GAS7: variants seen among roughly 807,000 people sequenced by gnomAD.
The protein encoded by GAS7 is growth arrest-specific protein 7.
A neutral mutation model predicts 71.1 loss-of-function variants in GAS7; 28 were observed. That is an observed-to-expected ratio of 0.39 (90% CI 0.29 to 0.54). The LOEUF is 0.54. Ranked by LOEUF, GAS7 falls within the 20% of genes least tolerant of loss-of-function variation. The pLI, the probability that GAS7 is intolerant of heterozygous loss-of-function variation, is 0.62. For synonymous variants in GAS7, 258 were observed against 245.8 expected (o/e 1.05, Z -0.46); for missense variants, 436 against 627.8 (o/e 0.69, Z 3.27).
chr17:9,918,430 G>C (rs2067673452), intron 12 of GAS7, among the ~76,000 whole-genome samples: 1 of 152,332 alleles, frequency 6.6e-6, no homozygotes, highest in African/African-American at 2.4e-5. Flanking sequence ...CTAACACCTA[G>C]AGAGGCAACA....
chr17:10,112,527 G>C (rs905794166), intron 1 of GAS7, among the ~76,000 whole-genome samples: 1 of 152,178 alleles, frequency 6.6e-6, no homozygotes, highest in African/African-American at 2.4e-5. Flanking sequence ...CCTGAGGTGA[G>C]GAGTTCGAGA....
At chr17:10,134,836 C>CT (rs34031588) in intron 1 of GAS7, among the ~76,000 whole-genome samples, 28,087 of 144,710 alleles carry the variant, frequency 0.19, 2,742 homozygotes, top group South Asian at 0.25. Context: ...TTTACATCCA[C>CT]TTTTTTTTTT....
chr17:10,102,607 C>T (rs1352231024), intron 1 of GAS7, among the ~76,000 whole-genome samples: 1 of 152,186 alleles, frequency 6.6e-6, no homozygotes, highest in Non-Finnish European at 1.5e-5. Context: ...TGGTCATCCC[C>T]TGACCTGGTA....
chr17:10,175,165 A>C (rs971939720), intron 1 of GAS7, among the ~76,000 whole-genome samples: 1 of 151,250 alleles, frequency 6.6e-6, no homozygotes, highest in African/African-American at 2.4e-5. Flanking sequence ...CATTCTAATG[A>C]TAATAAGGTA....
chr17:10,098,067 T>C (rs1381808092), intron 1 of GAS7, among the ~76,000 whole-genome samples: 2 of 149,042 alleles, frequency 1.3e-5, no homozygotes, highest in Admixed American at 1.3e-4. Context: ...AAAGTGTACA[T>C]TGGGACTCGC....
At chr17:10,190,356 G>A (rs1171155267) in intron 1 of GAS7, among the ~76,000 whole-genome samples, 6 of 152,090 alleles carry the variant, frequency 3.9e-5, no homozygotes, top group Middle Eastern at 3.4e-3. Context: ...AGGCCAAGGC[G>A]GGCGGATCAT....
chr17:10,101,402 G>A (rs2073697367), intron 1 of GAS7, among the ~76,000 whole-genome samples: 2 of 152,244 alleles, frequency 1.3e-5, no homozygotes, highest in Non-Finnish European at 2.9e-5. Flanking sequence ...CGGCCATTTT[G>A]TTACCTGCTC....
At chr17:10,069,430 C>G (rs994214383) in intron 1 of GAS7, among the ~76,000 whole-genome samples, 2 of 152,212 alleles carry the variant, frequency 1.3e-5, no homozygotes, top group African/African-American at 4.8e-5. Context: ...GAACACCAGC[C>G]TCTGAGTTCA....
rs1002135615 is a variant in GAS7, at chr17:10,075,963, G to T, written c.184-56066C>A. On this transcript the variant is annotated intron_variant, in intron 1 of 13. Coordinates refer to ENST00000432992, the MANE Select transcript of GAS7 (RefSeq NM_201433.2). ...CTAAAAATACAAAAATTAACCAGGCGTGGTGGCACATGCCTGTGATCCCAG... is the reference window on the plus strand; with the variant it reads ...CTAAAAATACAAAAATTAACCAGGCTTGGTGGCACATGCCTGTGATCCCAG... 3.3e-5 allele frequency among the ~76,000 whole-genome samples: 5 copies of T among 151,240 alleles called. No individual in the cohort carries two copies. The East Asian group carries it at 7.8e-4, about 24-fold the overall frequency.
chr17:9,950,563 A>G (rs1372370417), intron 5 of GAS7, among the ~76,000 whole-genome samples: 2 of 152,162 alleles, frequency 1.3e-5, no homozygotes, highest in Non-Finnish European at 1.5e-5. Flanking sequence ...TAGTTTTTTA[A>G]AAGGCACCTT....
At chr17:10,170,686 TTAC>T (rs1377853344) in intron 1 of GAS7, among the ~76,000 whole-genome samples, 3 of 152,344 alleles carry the variant, frequency 2.0e-5, no homozygotes, top group East Asian at 1.9e-4. Context: ...GTCTGTGGTT[TTAC>T]TACTACTACA....
chr17:9,943,334 A>G, intron 6 of GAS7, 98 bp from the exon 7 acceptor site: 1 of 750,948 alleles, frequency 1.3e-6, no homozygotes, highest in Non-Finnish European at 2.4e-6. Context: ...TGTGCCTGGC[A>G]ATCCCAGTCC....
chr17:9,932,722 TAGTC>T (rs1175639154), intron 9 of GAS7, among the ~76,000 whole-genome samples: 1 of 152,052 alleles, frequency 6.6e-6, no homozygotes, highest in Non-Finnish European at 1.5e-5. Context: ...GGGGTGGAGA[TAGTC>T]AGAGGGCTCT....
Position 9,982,862 on chromosome 17 carries a change from AAAGAAAGC to A in GAS7, c.305-986_305-979del, listed in dbSNP as rs745418720. Among the ~76,000 whole-genome samples, 811 of 143,690 alleles carry A rather than the reference AAAGAAAGC, an allele frequency of 5.6e-3. 9 individuals are homozygous for A. The highest frequency in any genetic ancestry group is 0.017 in the African/African-American group (659 of 39,556). The allele number at this position is 143,690 out of a possible 152,430, so 94.3% of individuals were successfully genotyped here. ...GAAAGAAAGAAAGAAAGAAAGAAAG[AAAGAAAGC>A]AAAGAAAGCAAAGAAAGAGAGAAAA... On this transcript the variant is annotated intron_variant, in intron 2 of 13. Transcript: ENST00000432992.
At chr17:10,007,516 C>T (rs1388405233) in intron 2 of GAS7, among the ~76,000 whole-genome samples, 1 of 148,744 alleles carries the variant, frequency 6.7e-6, no homozygotes, top group East Asian at 2.0e-4. Flanking sequence ...CCCAGCTACT[C>T]GGGAGGCTGA....
chr17:9,934,990 G>A (rs1196121049), intron 8 of GAS7, among the ~76,000 whole-genome samples: 1 of 152,152 alleles, frequency 6.6e-6, no homozygotes, highest in Non-Finnish European at 1.5e-5. Flanking sequence ...CTGCAGGGAG[G>A]GGTTACCTCG....
chr17:10,104,458 C>T (rs1013970520), intron 1 of GAS7, among the ~76,000 whole-genome samples: 3 of 152,196 alleles, frequency 2.0e-5, no homozygotes, highest in Admixed American at 6.5e-5. Flanking sequence ...TGACCCTGTT[C>T]CATAGCTTCA....
At chr17:9,931,371 A>G (rs1392163146) in intron 9 of GAS7, among the ~76,000 whole-genome samples, 2 of 152,202 alleles carry the variant, frequency 1.3e-5, no homozygotes, top group Non-Finnish European at 2.9e-5. Context: ...TAAACAATCA[A>G]GAATCAGGGG....
intron 1 of GAS7, among the ~76,000 whole-genome samples, chr17:10,044,224 T>C (rs1052620715): frequency 2.6e-5 from 4 of 152,136 alleles, no homozygotes; most frequent in Non-Finnish European, 5.9e-5. Context: ...TGATGAAAAA[T>C]ACATAGAACA....
Sources: gnomAD v4.1 joint callset for allele counts (sites outside exome capture counted in the v4.1 genomes callset) on GRCh38, gnomAD v4.1.1 for gene constraint, MANE v1.5 for transcripts, NCBI Gene and HGNC (gene_info 2026-07-23, HGNC 2026-07-21) for gene names.